TBC1D5: variants seen among roughly 807,000 people sequenced by gnomAD.
TBC1D5 encodes the protein TBC1 domain family, member 5.
Under a neutral mutation model 100.3 loss-of-function variants are expected in TBC1D5, and 75 were observed. The observed-to-expected ratio is 0.75, with a 90% CI of 0.62 to 0.91. TBC1D5 has a LOEUF of 0.91. TBC1D5 is among the 40% of genes least tolerant of loss of function. The pLI is 0.00. For missense variants in TBC1D5, 910 were observed against 942.4 expected, an observed-to-expected ratio of 0.97 and a Z score of 0.45; for synonymous variants, 323 against 325.6, an observed-to-expected ratio of 0.99 and a Z score of 0.09.
intron 13 of TBC1D5, among the ~76,000 whole-genome samples, chr3:17,369,113 A>C (rs2092329098): frequency 6.6e-6 from 1 of 152,194 alleles, no homozygotes; most frequent in African/African-American, 2.4e-5. Context: ...GCCAAACTAT[A>C]TGATCATTTC....
chr3:17,456,449 A>G (rs187610696), intron 3 of TBC1D5, among the ~76,000 whole-genome samples: 266 of 152,384 alleles, frequency 1.7e-3, no homozygotes, highest in Non-Finnish European at 2.9e-3. Context: ...ACAAAACTCT[A>G]TAAGAAAAAA....
At chr3:17,563,855 T>C (rs1036099390) in intron 2 of TBC1D5, among the ~76,000 whole-genome samples, 1 of 152,232 alleles carries the variant, frequency 6.6e-6, no homozygotes, top group African/African-American at 2.4e-5. Context: ...TGATCTCAGC[T>C]CTCTGCAAGC....
chr3:17,687,195 C>T (rs1246358835), intron 1 of TBC1D5, among the ~76,000 whole-genome samples: 1 of 152,016 alleles, frequency 6.6e-6, no homozygotes, highest in African/African-American at 2.4e-5. Context: ...GATTACCTTT[C>T]TTAGAATCAA....
At chr3:17,390,997 G>A (rs544136565) in intron 8 of TBC1D5, among the ~76,000 whole-genome samples, 14 of 152,064 alleles carry the variant, frequency 9.2e-5, no homozygotes, top group African/African-American at 3.4e-4. Context: ...CTAGCCAATG[G>A]AATGAGAGAG....
intron 14 of TBC1D5, among the ~76,000 whole-genome samples, chr3:17,293,898 A>C (rs993320973): frequency 3.9e-5 from 6 of 152,236 alleles, no homozygotes; most frequent in Non-Finnish European, 7.3e-5. Context: ...CATTCTTATA[A>C]AGGTACAATT....
At chr3:17,332,709 A>G (rs1023948871) in intron 13 of TBC1D5, among the ~76,000 whole-genome samples, 6 of 152,166 alleles carry the variant, frequency 3.9e-5, no homozygotes, top group Non-Finnish European at 8.8e-5. Context: ...AATGAAGTAG[A>G]AAGAATATAT....
At chr3:17,430,802 A>G (rs2094435304) in intron 3 of TBC1D5, among the ~76,000 whole-genome samples, 2 of 151,902 alleles carry the variant, frequency 1.3e-5, no homozygotes, top group Admixed American at 1.3e-4. Flanking sequence ...AAGGTTTACA[A>G]AAGAACAGAC....
At chr3:17,242,495 C>T (rs965824299) in intron 16 of TBC1D5, among the ~76,000 whole-genome samples, 2 of 151,534 alleles carry the variant, frequency 1.3e-5, no homozygotes, top group Admixed American at 6.6e-5. Flanking sequence ...TATTTCTTTT[C>T]CTTGTGTTTT....
chr3:17,503,837 C>T lies in TBC1D5; in HGVS notation c.97+4637G>A, dbSNP rs1315689569. On this transcript the variant is annotated intron_variant, in intron 3 of 21. Coordinates refer to ENST00000253692, the Ensembl canonical transcript of TBC1D5. ...TAGCTTTCCCTTTGCCAAGTGATTA[C>T]TGCTGTGCATTAACTCAATAATTCT... 1.3e-5 allele frequency among the ~76,000 whole-genome samples: 2 copies of T among 149,548 alleles called. 1 individual carries two copies. Among genetic ancestry groups the T allele is most frequent in the Non-Finnish European group, 2.9e-5 (2 of 67,816 alleles).
At chr3:17,497,084 T>G (rs1477570225) in intron 3 of TBC1D5, among the ~76,000 whole-genome samples, 2 of 115,050 alleles carry the variant, frequency 1.7e-5, no homozygotes, top group Non-Finnish European at 3.4e-5. Context: ...TCTCTCTCTC[T>G]CTGACACACA....
chr3:17,239,751 G>A (rs2076159713), intron 16 of TBC1D5, among the ~76,000 whole-genome samples: 1 of 132,528 alleles, frequency 7.5e-6, no homozygotes, highest in Non-Finnish European at 1.7e-5. Flanking sequence ...AGGGCACCAA[G>A]TTAACATTTG....
chr3:17,215,348 G>A (rs372268054), intron 17 of TBC1D5, among the ~76,000 whole-genome samples: 99 of 152,086 alleles, frequency 6.5e-4, no homozygotes, highest in African/African-American at 2.1e-3. Flanking sequence ...CTGGATTTAC[G>A]GATGAACCCA....
intron 2 of TBC1D5, among the ~76,000 whole-genome samples, chr3:17,548,820 A>T (rs1195949385): frequency 6.6e-6 from 1 of 152,218 alleles, no homozygotes; most frequent in Non-Finnish European, 1.5e-5. Flanking sequence ...AAGCTACAAA[A>T]CATACAATTA....
chr3:17,568,810 T>C (rs995946443), intron 2 of TBC1D5, among the ~76,000 whole-genome samples: 1 of 151,750 alleles, frequency 6.6e-6, no homozygotes, highest in Non-Finnish European at 1.5e-5. Flanking sequence ...GATCTTAAAA[T>C]TGCCCAAGTT....
intron 2 of TBC1D5, among the ~76,000 whole-genome samples, chr3:17,603,474 T>C (rs1332392156): frequency 6.6e-6 from 1 of 152,158 alleles, no homozygotes; most frequent in Non-Finnish European, 1.5e-5. Flanking sequence ...ACAAATGACA[T>C]GGTAACATCT....
chr3:17,483,915 AG>A (rs1439803206), intron 3 of TBC1D5, among the ~76,000 whole-genome samples: 1 of 152,230 alleles, frequency 6.6e-6, no homozygotes, highest in Non-Finnish European at 1.5e-5. Flanking sequence ...TACCTTATTT[AG>A]TTCTTAAAAT....
At chr3:17,615,139 A>T (rs1484839615) in intron 2 of TBC1D5, among the ~76,000 whole-genome samples, 1 of 152,186 alleles carries the variant, frequency 6.6e-6, no homozygotes, top group Non-Finnish European at 1.5e-5. Flanking sequence ...CTATTGAGAT[A>T]ATCATGTGGT....
chr3:17,494,716 C>T (rs975832583), intron 3 of TBC1D5, among the ~76,000 whole-genome samples: 2 of 152,198 alleles, frequency 1.3e-5, no homozygotes, highest in Admixed American at 6.5e-5. Flanking sequence ...CCTCCTAGCC[C>T]GAACCCAGTC....
rs555178590 is a variant in TBC1D5 at position 17,602,316 on chromosome 3, C to A, written c.-36+21533G>T. Among the ~76,000 whole-genome samples, 9 of 152,206 alleles carry A rather than the reference C, an allele frequency of 5.9e-5. No individual in the cohort carries two copies. In the South Asian group the frequency reaches 1.7e-3, roughly 28 times the overall value. ...GAAGTTCGTGTCTTCTATACCCATG[C>A]GCTCATAACATTGAAATGTGTGATT... On this transcript the variant is annotated intron_variant, in intron 2 of 21. Coordinates refer to ENST00000253692, the Ensembl canonical transcript of TBC1D5.
Sources: allele counts gnomAD v4.1 joint callset (sites outside exome capture counted in the v4.1 genomes callset), GRCh38; gene constraint gnomAD v4.1.1; transcripts MANE v1.5; gene names NCBI Gene and HGNC (gene_info 2026-07-23, HGNC 2026-07-21).